Variants in ERAP1 observed in about 807,000 individuals in gnomAD.
ERAP1 encodes the protein adipocyte-derived leucine aminopeptidase.
ERAP1 carries 86 observed loss-of-function variants against 103.7 expected under a neutral mutation model. The observed-to-expected ratio is 0.83, with a 90% CI of 0.70 to 0.99. The LOEUF (loss-of-function observed/expected upper bound fraction) is 0.99. Ranked by LOEUF, ERAP1 falls within the 50% of genes least tolerant of loss-of-function variation. The pLI is 0.00. For missense variants in ERAP1, 1,009 were observed against 1,128.4 expected, an observed-to-expected ratio of 0.89 and a Z score of 1.52; for synonymous variants, 398 against 402.4, an observed-to-expected ratio of 0.99 and a Z score of 0.13.
chr5:96,775,979 G>A lies in ERAP1; in HGVS notation c.*417C>T, dbSNP rs929030903. On this transcript the variant is annotated 3_prime_UTR_variant, in exon 19 of 19. Coordinates refer to ENST00000443439, the MANE Select transcript of ERAP1 (RefSeq NM_001040458.3). ...CCGGGAGAGCTTTAACCCAGTCATC[G>A]TCCGGCTTAGTCTCAGATCCAGGTG... 1.6e-5 allele frequency: 17 copies of A among 1,068,252 alleles called. No individual in the cohort carries two copies. Among genetic ancestry groups the A allele is most frequent in the Non-Finnish European group, 1.8e-5 (16 of 876,340 alleles). The allele number at this position is 1,068,252 out of a possible 1,614,324, so 66.2% of individuals were successfully genotyped here. A position where few individuals can be genotyped will look rare whatever the true frequency, so the allele number is the denominator to read the frequency against.
At position 96,781,207 on chromosome 5, in the gene ERAP1, A is replaced by G; in HGVS notation, c.2448-9T>C. ...AGCTTTCATCTAGTAGCCTAGAAGG[A>G]TTAAGAAAAGAAATGTTAGCAATGA... is the stretch of plus-strand genomic sequence containing the variant. On this transcript the variant is annotated splice_polypyrimidine_tract_variant and intron_variant, in intron 16 of 18. Transcript: ENST00000443439. 1 of 1,611,980 alleles carries G rather than the reference A, an allele frequency of 6.2e-7. No individual in the cohort carries two copies. Among genetic ancestry groups the G allele is most frequent in the Non-Finnish European group, 8.5e-7 (1 of 1,178,772 alleles).
the ERAP1 span, among the ~76,000 whole-genome samples, chr5:96,843,511 A>T: frequency 2.0e-5 from 3 of 152,172 alleles, no homozygotes; most frequent in African/African-American, 7.2e-5. Context: ...TCTGCCATGC[A>T]CAGAAGTGGG....
chr5:96,927,201 T>A, the ERAP1 span, among the ~76,000 whole-genome samples: 3 of 152,258 alleles, frequency 2.0e-5, no homozygotes, highest in African/African-American at 7.2e-5. Context: ...ACATGGTAAC[T>A]GTTGCTTAAC....
chr5:96,906,794 G>C, the ERAP1 span, among the ~76,000 whole-genome samples: 2 of 152,202 alleles, frequency 1.3e-5, no homozygotes, highest in African/African-American at 2.4e-5. Context: ...TACTTCGTGA[G>C]GCCAAGGCGG....
the ERAP1 span, among the ~76,000 whole-genome samples, chr5:96,871,077 C>T: frequency 1.3e-5 from 2 of 152,198 alleles, no homozygotes; most frequent in African/African-American, 2.4e-5. Flanking sequence ...TCCCACACAC[C>T]GTTCGTCTCT....
the ERAP1 span, among the ~76,000 whole-genome samples, chr5:96,840,701 T>C: frequency 9.2e-6 from 1 of 108,712 alleles, no homozygotes; most frequent in Non-Finnish European, 2.1e-5. Flanking sequence ...GGACTTTTTT[T>C]TTCTTTTTTT....
the ERAP1 span, chr5:96,915,883 G>C: frequency 1.1e-6 from 1 of 903,184 alleles, no homozygotes; most frequent in African/African-American, 1.7e-5. Context: ...TAAAAAAGTT[G>C]TTTGTCCAAT....
At chr5:96,855,550 T>C in the ERAP1 span, among the ~76,000 whole-genome samples, 3 of 152,206 alleles carry the variant, frequency 2.0e-5, no homozygotes, top group South Asian at 2.1e-4. Flanking sequence ...TGCATAGAAC[T>C]CTGTGATTTT....
At chr5:96,849,200 G>A in the ERAP1 span, among the ~76,000 whole-genome samples, 1 of 152,078 alleles carries the variant, frequency 6.6e-6, no homozygotes, top group Non-Finnish European at 1.5e-5. Context: ...TTTCCTCTAA[G>A]ATAAGGAACA....
the ERAP1 span, among the ~76,000 whole-genome samples, chr5:96,869,028 C>T: frequency 1.3e-5 from 2 of 151,844 alleles, no homozygotes; most frequent in Non-Finnish European, 2.9e-5. Context: ...ACAGTGTTAG[C>T]TCTACAACAC....
the ERAP1 span, among the ~76,000 whole-genome samples, chr5:96,826,421 G>A: frequency 6.6e-6 from 1 of 152,140 alleles, no homozygotes; most frequent in African/African-American, 2.4e-5. Context: ...TACTAGACTG[G>A]CCATTCCTTA....
chr5:96,933,639 C>T, the ERAP1 span, among the ~76,000 whole-genome samples: 1 of 152,028 alleles, frequency 6.6e-6, no homozygotes, highest in African/African-American at 2.4e-5. Context: ...CACTTAAAAG[C>T]ATGATAGACT....
chr5:96,771,837 C>T, downstream of ERAP1: 1 of 536,434 alleles, frequency 1.9e-6, no homozygotes, highest in Admixed American at 3.4e-5. Context: ...ATGCATACTG[C>T]AAGATCTACA....
the ERAP1 span, chr5:96,880,115 G>A: frequency 1.9e-6 from 3 of 1,614,138 alleles, no homozygotes; most frequent in Non-Finnish European, 2.5e-6. Context: ...GAGTTACCCT[G>A]CTCATGAACA....
At chr5:96,900,352 T>C in the ERAP1 span, 7 of 1,112,334 alleles carry the variant, frequency 6.3e-6, no homozygotes, top group Non-Finnish European at 8.5e-6. Flanking sequence ...ATGCTTGGGG[T>C]ATTTAGGGGG....
upstream of ERAP1, among the ~76,000 whole-genome samples, chr5:96,809,608 C>A (rs1367094075): frequency 6.6e-6 from 1 of 152,038 alleles, no homozygotes; most frequent in East Asian, 1.9e-4. Flanking sequence ...CACCCTGTTC[C>A]AAGACTCAAC....
At chr5:96,797,929 AGAATTATCT>A (rs1409982129) in intron 3 of ERAP1, among the ~76,000 whole-genome samples, 1 of 152,190 alleles carries the variant, frequency 6.6e-6, no homozygotes, top group East Asian at 1.9e-4. Flanking sequence ...TACAGGTTTG[AGAATTATCT>A]GGCAATGCAA....
chr5:96,861,275 T>A, the ERAP1 span, among the ~76,000 whole-genome samples: 1 of 152,182 alleles, frequency 6.6e-6, no homozygotes, highest in Non-Finnish European at 1.5e-5. Context: ...CCTGGGGACA[T>A]CTTCATGTTA....
Position 96,774,668 on chromosome 5 carries a change from A to ATATTT in ERAP1, c.*1723_*1727dup, listed in dbSNP as rs1180370064. The ATATTT allele has an allele frequency of 9.2e-6, 9 of 983,350 alleles. 1 individual carries two copies. In the East Asian group the frequency reaches 1.0e-3, roughly 110 times the overall value. The allele number at this position is 983,350 out of a possible 1,614,324, so 60.9% of individuals were successfully genotyped here. ...AGGCATAAAATACAATTAAAGCAAA[A>ATATTT]TATTTTACATTAAAATCTTGGTTGT... is the stretch of plus-strand genomic sequence containing the variant. On this transcript the variant is annotated 3_prime_UTR_variant, in exon 19 of 19. Coordinates refer to ENST00000443439, the MANE Select transcript of ERAP1 (RefSeq NM_001040458.3).
Sources: gnomAD v4.1 joint callset for allele counts (sites outside exome capture counted in the v4.1 genomes callset) on GRCh38, gnomAD v4.1.1 for gene constraint, MANE v1.5 for transcripts, NCBI Gene and HGNC (gene_info 2026-07-23, HGNC 2026-07-21) for gene names.